Variants in MRC1 observed in about 807,000 individuals in gnomAD.
MRC1 encodes macrophage mannose receptor 1.
Under a neutral mutation model 102.9 loss-of-function variants are expected in MRC1, and 62 were observed. That is an observed-to-expected ratio of 0.60 (90% CI 0.49 to 0.74). The LOEUF (loss-of-function observed/expected upper bound fraction) is 0.74, where lower values mean the gene tolerates loss of function less well. Ranked by LOEUF, MRC1 falls within the 30% of genes least tolerant of loss-of-function variation. The pLI is 0.00. For missense variants in MRC1, 1,237 were observed against 862.8 expected (o/e 1.43, Z -5.43); for synonymous variants, 457 against 298.4 (o/e 1.53, Z -5.48).
intron 1 of MRC1, among the ~76,000 whole-genome samples, chr10:17,813,658 T>TAC (rs1480696499): frequency 0.018 from 2,287 of 126,574 alleles, 65 homozygotes; most frequent in African/African-American, 0.064. Context: ...TACATATATA[T>TAC]ATATACACAC....
At chr10:17,863,405 C>G (rs1056177484) in intron 10 of MRC1, 129 bp from the exon 11 acceptor site, 5 of 705,412 alleles carry the variant, frequency 7.1e-6, no homozygotes, top group Non-Finnish European at 1.3e-5. Flanking sequence ...AAATATAACA[C>G]AATATATTTG....
Position 17,845,394 on chromosome 10 carries a change from A to G in MRC1, c.1022A>G (p.Lys341Arg). The change falls in exon 6 of 30, where the codon AAA (lysine) becomes AGA (arginine). Residue 341 changes from lysine to arginine, a missense_variant. Physicochemically the swap from Lys to Arg is conservative, Grantham distance 26. Transcript: ENST00000569591. The part of the protein sequence containing the change: ...ECVQKLGYIC[K>R]KGNTTLNSFV... ...GTTCAGAAACTGGGCTATATTTGCA[A>G]AAAGGGCAACACCACTTTAAATTCT... 1 of 780,900 alleles carries G rather than the reference A, an allele frequency of 1.3e-6. No homozygotes were observed. The highest frequency in any genetic ancestry group is 2.4e-5 in the East Asian group (1 of 41,254). 48.4% of individuals were successfully genotyped at this position (780,900 alleles called of 1,614,324 possible).
chr10:17,893,382 C>G (rs1833708477), intron 22 of MRC1, among the ~76,000 whole-genome samples: 1 of 152,148 alleles, frequency 6.6e-6, no homozygotes, highest in Non-Finnish European at 1.5e-5. Flanking sequence ...GTCTTGAACT[C>G]CCAGGCTCAA....
rs1838211937 is a variant in MRC1 at position 17,810,956 on chromosome 10, C to A, written c.61+1430C>A. ...TACAGGCATGCACCACCATGCCCAG[C>A]TGATTTTTGTAGTTTTAGTAGAGAC... On this transcript the variant is annotated intron_variant, in intron 1 of 29. Coordinates refer to ENST00000569591, the MANE Select transcript of MRC1 (RefSeq NM_002438.4). 2.0e-5 allele frequency among the ~76,000 whole-genome samples: 3 copies of A among 152,134 alleles called. No homozygotes were observed. The East Asian group carries it at 5.8e-4, about 29-fold the overall frequency.
rs577563773 is a variant in MRC1 at position 17,845,269 on chromosome 10, A to C, written c.917-20A>C. ...GGAATAGCTATAATAGTCCACTTTA[A>C]CTTTTCCTTTTCCTCGAAGGAAGTC... On this transcript the variant is annotated intron_variant, in intron 5 of 29. Coordinates refer to ENST00000569591, the MANE Select transcript of MRC1 (RefSeq NM_002438.4). The C allele has an allele frequency of 1.8e-3, 1,442 of 780,804 alleles. 18 individuals are homozygous for C. In the African/African-American group the frequency reaches 0.022, roughly 12 times the overall value. The allele number at this position is 780,804 out of a possible 1,614,324, so 48.4% of individuals were successfully genotyped here.
At chr10:17,881,834 GTTTTTTT>G (rs1159143035) in intron 21 of MRC1, among the ~76,000 whole-genome samples, 14 of 61,882 alleles carry the variant, frequency 2.3e-4, no homozygotes, top group East Asian at 4.9e-4. Flanking sequence ...ATTTTTTAAA[GTTTTTTT>G]TTTTTTTTTT....
intron 5 of MRC1, among the ~76,000 whole-genome samples, chr10:17,843,845 T>C (rs1336729863): frequency 3.9e-5 from 6 of 152,276 alleles, no homozygotes; most frequent in Admixed American, 3.9e-4. Context: ...ATGATTTCCG[T>C]CTTGCAGGAA....
At chr10:17,901,726 T>A (rs1341527928) in intron 25 of MRC1, among the ~76,000 whole-genome samples, 2 of 152,030 alleles carry the variant, frequency 1.3e-5, no homozygotes, top group Non-Finnish European at 2.9e-5. Context: ...TATCTATAGA[T>A]CGATTGTCTT....
chr10:17,842,035 T>C (rs1247488706), intron 5 of MRC1, among the ~76,000 whole-genome samples: 3 of 152,208 alleles, frequency 2.0e-5, no homozygotes, highest in African/African-American at 7.2e-5. Context: ...CAGTCTCAGC[T>C]CACTGCAACC....
chr10:17,868,749 T>C (rs1300291380), intron 12 of MRC1, among the ~76,000 whole-genome samples: 2 of 152,198 alleles, frequency 1.3e-5, no homozygotes, highest in African/African-American at 4.8e-5. Context: ...AAGAGGAGTA[T>C]GGATAATTGA....
intron 12 of MRC1, among the ~76,000 whole-genome samples, chr10:17,869,162 G>C (rs951290105): frequency 6.6e-6 from 1 of 152,102 alleles, no homozygotes; most frequent in Admixed American, 6.5e-5. Flanking sequence ...CAGGTACTTG[G>C]GGTAGGGTTT....
rs960973444 is a variant in MRC1, at chr10:17,898,248, C to G, written c.3465C>G (p.Ile1155Met). ...AAACATCTAATGAACGTGTGTGGAT[C>G]GCCCTGAACAGTAACTTGGTAAGAT... ...QMETSNERVW[I>M]ALNSNLTDNQ... Residue 1155 changes from isoleucine to methionine, a missense_variant, in exon 24 of 30, where the codon ATC (isoleucine) becomes ATG (methionine). Coordinates refer to ENST00000569591, the MANE Select transcript of MRC1 (RefSeq NM_002438.4). 1.3e-6 allele frequency: 1 copy of G among 780,710 alleles called. No homozygotes were observed. The highest frequency in any genetic ancestry group is 2.4e-6 in the Non-Finnish European group (1 of 417,940). 48.4% of individuals were successfully genotyped at this position (780,710 alleles called of 1,614,324 possible).
At position 17,811,276 on chromosome 10, in the gene MRC1, A is replaced by C. The variant is rs1314077030; in HGVS notation, c.61+1750A>C. On this transcript the variant is annotated intron_variant, in intron 1 of 29. Coordinates refer to ENST00000569591, the MANE Select transcript of MRC1 (RefSeq NM_002438.4). The stretch of plus-strand genomic sequence containing the variant: ...GTCATTTTAAGTGTACAATGGTTAC[A>C]TGAGGTGACTGGCTATCATACTGGG... Among the ~76,000 whole-genome samples the C allele has an allele frequency of 3.3e-5, 5 of 152,314 alleles. No individual in the cohort carries two copies. The South Asian group carries it at 6.2e-4, about 19-fold the overall frequency.
intron 22 of MRC1, among the ~76,000 whole-genome samples, chr10:17,891,848 G>A (rs1833681063): frequency 1.3e-5 from 2 of 152,156 alleles, no homozygotes; most frequent in Non-Finnish European, 2.9e-5. Flanking sequence ...GTATCTGCCT[G>A]TTATCATACG....
At chr10:17,887,349 C>T (rs1409904593) in intron 22 of MRC1, among the ~76,000 whole-genome samples, 1 of 152,166 alleles carries the variant, frequency 6.6e-6, no homozygotes, top group Non-Finnish European at 1.5e-5. Flanking sequence ...CGAGATCGCG[C>T]CACTGCACTC....
intron 1 of MRC1, among the ~76,000 whole-genome samples, chr10:17,814,583 G>A (rs990969532): frequency 1.3e-5 from 2 of 151,048 alleles, no homozygotes; most frequent in African/African-American, 4.9e-5. Flanking sequence ...GGATTTGATT[G>A]CAAGCCTATC....
intron 22 of MRC1, among the ~76,000 whole-genome samples, chr10:17,888,685 A>G (rs1344353163): frequency 6.6e-6 from 1 of 152,120 alleles, no homozygotes; most frequent in African/African-American, 2.4e-5. Flanking sequence ...GGCTCAGAAT[A>G]TGGTCTGTCT....
At chr10:17,903,957 A>C (rs1218131326) in intron 26 of MRC1, among the ~76,000 whole-genome samples, 1 of 151,996 alleles carries the variant, frequency 6.6e-6, no homozygotes, top group Non-Finnish European at 1.5e-5. Flanking sequence ...CTTCATTTCA[A>C]AAGAAAAAAA....
At chr10:17,874,766 A>G (rs1833404369) in intron 16 of MRC1, among the ~76,000 whole-genome samples, 1 of 151,808 alleles carries the variant, frequency 6.6e-6, no homozygotes, top group African/African-American at 2.4e-5. Flanking sequence ...GTAGAAGATT[A>G]TGGGTGCATT....
Sources: gnomAD v4.1 joint callset for allele counts (sites outside exome capture counted in the v4.1 genomes callset) on GRCh38, gnomAD v4.1.1 for gene constraint, MANE v1.5 for transcripts, NCBI Gene and HGNC (gene_info 2026-07-23, HGNC 2026-07-21) for gene names.